Variants in WASF3 observed in about 807,000 individuals in gnomAD.
WASF3 encodes actin-binding protein WASF3.
A neutral mutation model predicts 46.6 loss-of-function variants in WASF3; 11 were observed. That is an observed-to-expected ratio of 0.24 (90% CI 0.15 to 0.39). The LOEUF (loss-of-function observed/expected upper bound fraction) is 0.39, where lower values mean the gene tolerates loss of function less well. WASF3 is among the 10% of genes least tolerant of loss of function. The probability of loss-of-function intolerance (pLI) is 1.00; values close to 1 mark genes in which losing one functional copy is unlikely to be tolerated. For synonymous variants in WASF3, 242 were observed against 259.7 expected (o/e 0.93, Z 0.65); for missense variants, 576 against 669.8 (o/e 0.86, Z 1.55).
chr13:26,552,210 C>T, the WASF3 span, among the ~76,000 whole-genome samples: 10 of 152,120 alleles, frequency 6.6e-5, no homozygotes, highest in African/African-American at 1.9e-4. Context: ...TTTCTCTGGG[C>T]CTTATCTATA....
At chr13:26,554,887 G>A (rs1286634914), upstream of WASF3, among the ~76,000 whole-genome samples, 1 of 152,100 alleles carries the variant, frequency 6.6e-6, no homozygotes, top group East Asian at 1.9e-4. Context: ...AGCACAATTG[G>A]GTAAATACCT....
intron 1 of WASF3, among the ~76,000 whole-genome samples, chr13:26,591,771 G>C (rs752768505): frequency 2.6e-5 from 4 of 152,112 alleles, no homozygotes; most frequent in Non-Finnish European, 5.9e-5. Context: ...AAAACCATGA[G>C]ATCAGGAAAG....
chr13:26,639,631 G>T (rs12875736), intron 2 of WASF3: 67,339 of 152,004 alleles, frequency 0.44, 16,268 homozygotes, highest in Non-Finnish European at 0.55. Context: ...CCGACATGTT[G>T]TCCCTTCCAA....
At chr13:26,595,083 T>C (rs1880421298) in intron 1 of WASF3, among the ~76,000 whole-genome samples, 1 of 152,230 alleles carries the variant, frequency 6.6e-6, no homozygotes, top group African/African-American at 2.4e-5. Context: ...AGTATGAGTG[T>C]TATTTATCTT....
At chr13:26,564,865 C>A (rs1467491898) in intron 1 of WASF3, among the ~76,000 whole-genome samples, 1 of 148,348 alleles carries the variant, frequency 6.7e-6, no homozygotes, top group Non-Finnish European at 1.5e-5. Flanking sequence ...CACTTATTTT[C>A]CAACTTCTCA....
intron 3 of WASF3, among the ~76,000 whole-genome samples, chr13:26,647,201 T>A (rs1882176324): frequency 6.7e-6 from 1 of 148,364 alleles, no homozygotes; most frequent in African/African-American, 2.4e-5. Context: ...TGAATGACGA[T>A]ATAGTTTAAA....
chr13:26,558,609 C>T (rs1239540917), intron 1 of WASF3, among the ~76,000 whole-genome samples: 1 of 152,176 alleles, frequency 6.6e-6, no homozygotes, highest in African/African-American at 2.4e-5. Context: ...TTTGGCCCCT[C>T]TGCAAGGGAG....
At chr13:26,644,930 G>A (rs1241724703) in intron 3 of WASF3, among the ~76,000 whole-genome samples, 1 of 152,210 alleles carries the variant, frequency 6.6e-6, no homozygotes, top group Non-Finnish European at 1.5e-5. Context: ...CCCATTTGTG[G>A]TGCAGGGCTT....
chr13:26,574,900 G>A (rs1370206389), intron 1 of WASF3, among the ~76,000 whole-genome samples: 5 of 150,354 alleles, frequency 3.3e-5, no homozygotes, highest in Non-Finnish European at 5.9e-5. Context: ...GCAGTGGTGC[G>A]ATCTCGGCTC....
chr13:26,610,703 A>G (rs977044005), intron 1 of WASF3, among the ~76,000 whole-genome samples: 2 of 152,210 alleles, frequency 1.3e-5, no homozygotes, highest in African/African-American at 4.8e-5. Context: ...GAGCACTGTC[A>G]GCACCATTCA....
chr13:26,566,329 T>C (rs1879462447), intron 1 of WASF3, among the ~76,000 whole-genome samples: 3 of 152,206 alleles, frequency 2.0e-5, no homozygotes, highest in Admixed American at 2.0e-4. Flanking sequence ...CATCTGTCAT[T>C]AAATGAATGT....
At chr13:26,591,982 A>ATTC (rs770687808) in intron 1 of WASF3, among the ~76,000 whole-genome samples, 1 of 151,612 alleles carries the variant, frequency 6.6e-6, no homozygotes, top group Non-Finnish European at 1.5e-5. Context: ...CTAACTGGAA[A>ATTC]GATACTAGGT....
intron 2 of WASF3, among the ~76,000 whole-genome samples, chr13:26,630,665 G>A (rs142468399): frequency 0.019 from 2,916 of 152,270 alleles, 48 homozygotes; most frequent in Non-Finnish European, 0.029. Context: ...AATCCTTTGG[G>A]TATATACCCA....
chr13:26,636,637 G>A (rs1183457906), intron 2 of WASF3, among the ~76,000 whole-genome samples: 3 of 152,168 alleles, frequency 2.0e-5, no homozygotes, highest in East Asian at 1.9e-4. Context: ...GTTCCTATTC[G>A]GCCATCTTGG....
At chr13:26,580,985 G>T (rs577375374) in intron 1 of WASF3, among the ~76,000 whole-genome samples, 1 of 149,014 alleles carries the variant, frequency 6.7e-6, no homozygotes, top group Non-Finnish European at 1.5e-5. Context: ...AAGCTGGGGT[G>T]CAGTGGTACA....
intron 1 of WASF3, among the ~76,000 whole-genome samples, chr13:26,610,251 A>G (rs1024150713): frequency 4.6e-5 from 7 of 152,168 alleles, no homozygotes; most frequent in African/African-American, 1.2e-4. Context: ...CTTCTGAATT[A>G]TGGCTTAAAT....
chr13:26,632,250 G>A (rs759042728), intron 2 of WASF3, among the ~76,000 whole-genome samples: 166 of 152,094 alleles, frequency 1.1e-3, no homozygotes, highest in South Asian at 1.9e-3. Flanking sequence ...GTCTTGTGCC[G>A]GTTTTCAGAG....
At chr13:26,655,533 A>G (rs146510499) in intron 3 of WASF3, among the ~76,000 whole-genome samples, 112 of 152,296 alleles carry the variant, frequency 7.4e-4, no homozygotes, top group African/African-American at 2.6e-3. Context: ...CTTTGAGACT[A>G]TATAAATGTT....
intron 7 of WASF3, chr13:26,680,348 C>T (rs1194733192): frequency 1.3e-5 from 12 of 937,422 alleles, no homozygotes; most frequent in East Asian, 8.7e-5. Flanking sequence ...ACGGCACTGC[C>T]GGGCTGCCAC....
Sources: gnomAD v4.1 joint callset for allele counts (sites outside exome capture counted in the v4.1 genomes callset) on GRCh38, gnomAD v4.1.1 for gene constraint, MANE v1.5 for transcripts, NCBI Gene and HGNC (gene_info 2026-07-23, HGNC 2026-07-21) for gene names.